The following RARA variants were observed in gnomAD, a reference collection of about 807,000 sequenced individuals.
The protein encoded by RARA is PML-DDX5-RARA fusion.
In RARA, 5 loss-of-function variants were observed where a neutral mutation model predicts 42.8. That is an observed-to-expected ratio of 0.12 (90% CI 0.06 to 0.25). The LOEUF (loss-of-function observed/expected upper bound fraction) is 0.25, where lower values mean the gene tolerates loss of function less well. Ranked by LOEUF, RARA falls within the 10% of genes least tolerant of loss-of-function variation. The pLI is 1.00. For missense variants in RARA, 402 were observed against 628.7 expected (o/e 0.64, Z 3.86); for synonymous variants, 256 against 259.5 (o/e 0.99, Z 0.13).
At chr17:40,325,765 A>G (rs2033528369) in intron 1 of RARA, among the ~76,000 whole-genome samples, 1 of 152,104 alleles carries the variant, frequency 6.6e-6, no homozygotes. Context: ...AAGCTCCCCA[A>G]TACTTTTCCC....
intron 2 of RARA, among the ~76,000 whole-genome samples, chr17:40,343,524 C>A (rs1326325052): frequency 1.3e-5 from 2 of 152,172 alleles, no homozygotes; most frequent in Non-Finnish European, 2.9e-5. Flanking sequence ...ACTTGGCTGT[C>A]ATCTTTGAGG....
At position 40,329,723 on chromosome 17, in the gene RARA, G is replaced by T. The variant is rs372561419; in HGVS notation, c.-362-1134G>T. ...CCTGCCTTAGCCTCCCAAAGTGGTG[G>T]GATTACAGGCGTGAGCCACCGCCCC... is the stretch of plus-strand genomic sequence containing the variant. On this transcript the variant is annotated intron_variant, in intron 1 of 8. Coordinates refer to ENST00000254066, the MANE Select transcript of RARA (RefSeq NM_000964.4). Among the ~76,000 whole-genome samples, 444 of 152,282 alleles carry T rather than the reference G, an allele frequency of 2.9e-3. 3 individuals are homozygous for T. The highest frequency in any genetic ancestry group is 0.011 in the African/African-American group (438 of 41,558).
intron 2 of RARA, among the ~76,000 whole-genome samples, chr17:40,331,635 T>A (rs1347421690): frequency 6.6e-6 from 1 of 152,190 alleles, no homozygotes; most frequent in East Asian, 1.9e-4. Flanking sequence ...GAAACCATGC[T>A]GTTCTGGCCT....
At chr17:40,324,362 C>T (rs2033478619) in intron 1 of RARA, among the ~76,000 whole-genome samples, 2 of 152,100 alleles carry the variant, frequency 1.3e-5, no homozygotes, top group Non-Finnish European at 2.9e-5. Context: ...TGCCCTTTCA[C>T]CTACTCGTTG....
chr17:40,329,202 G>A (rs754668694), intron 1 of RARA, among the ~76,000 whole-genome samples: 2 of 151,344 alleles, frequency 1.3e-5, no homozygotes, highest in South Asian at 2.1e-4. Context: ...ACACAATCTC[G>A]GCTCACTGCC....
At chr17:40,339,953 C>T (rs555224990) in intron 2 of RARA, among the ~76,000 whole-genome samples, 1 of 152,268 alleles carries the variant, frequency 6.6e-6, no homozygotes, top group East Asian at 1.9e-4. Flanking sequence ...GCATACCTGC[C>T]CCCAGACCCC....
At chr17:40,342,769 A>G (rs867133731) in intron 2 of RARA, 1 of 1,612,244 alleles carries the variant, frequency 6.2e-7, no homozygotes, top group African/African-American at 1.3e-5. Context: ...GATTTTTATA[A>G]CCAGAACCGG....
At chr17:40,333,428 G>A (rs780591082) in intron 2 of RARA, among the ~76,000 whole-genome samples, 7 of 151,984 alleles carry the variant, frequency 4.6e-5, no homozygotes, top group Non-Finnish European at 7.4e-5. Context: ...ATGCAGTCTC[G>A]GCCTCCCAGC....
chr17:40,317,826 G>A lies in RARA; in HGVS notation c.-363+8540G>A, dbSNP rs181952719. Among the ~76,000 whole-genome samples, 32 of 152,126 alleles carry A rather than the reference G, an allele frequency of 2.1e-4. No individual in the cohort carries two copies. The East Asian group carries it at 6.0e-3, about 28-fold the overall frequency. ...AGAGGATTATAATTATAGGATTCAG[G>A]GGCTTGACAGCTAGGGCAGGAGTCA... On this transcript the variant is annotated intron_variant, in intron 1 of 8. Coordinates refer to ENST00000254066, the MANE Select transcript of RARA (RefSeq NM_000964.4).
rs1240623634 is a variant in RARA, at chr17:40,320,986, C to G, written c.-362-9871C>G. ...GGGAAAGGAGTATGGCAACTGATAC[C>G]CCGGCTCCCAGGGCTTTGGCTGAAC... On this transcript the variant is annotated intron_variant, in intron 1 of 8. Transcript: ENST00000254066. This position sits in a 1 kb window ranked among gnomAD's most constrained non-coding sequence, Gnocchi z 4.1. Among the ~76,000 whole-genome samples the G allele has an allele frequency of 6.6e-6, 1 of 152,100 alleles. No individual in the cohort carries two copies. The highest frequency in any genetic ancestry group is 2.4e-5 in the African/African-American group (1 of 41,390).
At chr17:40,338,866 A>G (rs1047768541) in intron 2 of RARA, among the ~76,000 whole-genome samples, 1 of 151,118 alleles carries the variant, frequency 6.6e-6, no homozygotes. Flanking sequence ...GAATATACCA[A>G]AATTAGCTGG....
chr17:40,339,203 C>G (rs755102308), intron 2 of RARA, among the ~76,000 whole-genome samples: 1 of 152,130 alleles, frequency 6.6e-6, no homozygotes, highest in Non-Finnish European at 1.5e-5. Context: ...TGGTGCCACT[C>G]TATACTGGGA....
intron 1 of RARA, among the ~76,000 whole-genome samples, chr17:40,316,089 C>A (rs1008705327): frequency 1.2e-4 from 19 of 152,234 alleles, no homozygotes; most frequent in African/African-American, 4.6e-4. Context: ...ACCTCTCCTG[C>A]CTTCTGCAGT....
Position 40,356,826 on chromosome 17 carries a change from TG to T in RARA, c.*606del. 4.2e-6 allele frequency: 1 copy of T among 238,746 alleles called. No individual in the cohort carries two copies. The highest frequency in any genetic ancestry group is 7.8e-6 in the Non-Finnish European group (1 of 127,406). The allele number at this position is 238,746 out of a possible 1,614,324, so 14.8% of individuals were successfully genotyped here. ...TACTGAAGGAATTTGTGCTGTGTAT[TG>T]GGGGGAGCTGGATCCAGAGCTGGAG... is the stretch of plus-strand genomic sequence containing the variant. On this transcript the variant is annotated 3_prime_UTR_variant, in exon 9 of 9. Transcript: ENST00000254066.
rs921895799 is a variant in RARA at position 40,356,738 on chromosome 17, GTTTTTA to G, written c.*517_*522del. 1.9e-6 allele frequency: 1 copy of G among 528,752 alleles called. No homozygotes were observed. The highest frequency in any genetic ancestry group is 1.9e-5 in the African/African-American group (1 of 52,684). The allele number at this position is 528,752 out of a possible 1,614,324, so 32.8% of individuals were successfully genotyped here. A position where few individuals can be genotyped will look rare whatever the true frequency, so the allele number is the denominator to read the frequency against. The stretch of plus-strand genomic sequence containing the variant: ...CCAGGTATTAATTCTCGCTGGTTTT[GTTTTTA>G]TTTTAATTTTTTTGTTTTGATTTTT... On this transcript the variant is annotated 3_prime_UTR_variant, in exon 9 of 9. Transcript: ENST00000254066.
At position 40,356,660 on chromosome 17, in the gene RARA, G is replaced by A. The variant is rs1278365886; in HGVS notation, c.*434G>A. The stretch of plus-strand genomic sequence containing the variant: ...CCCCCTGCCTCGGTTGGTGACAGAG[G>A]GGGTGGGACAGGGGCGGGGGGTTCC... On this transcript the variant is annotated 3_prime_UTR_variant, in exon 9 of 9. Coordinates refer to ENST00000254066, the MANE Select transcript of RARA (RefSeq NM_000964.4). The A allele has an allele frequency of 1.9e-6, 1 of 540,474 alleles. No individual in the cohort carries two copies. The highest frequency in any genetic ancestry group is 1.8e-5 in the African/African-American group (1 of 54,098). 33.5% of individuals were successfully genotyped at this position (540,474 alleles called of 1,614,324 possible). A position where few individuals can be genotyped will look rare whatever the true frequency, so the allele number is the denominator to read the frequency against.
At position 40,356,539 on chromosome 17, in the gene RARA, C is replaced by T; in HGVS notation, c.*313C>T. 1 of 618,276 alleles carries T rather than the reference C, an allele frequency of 1.6e-6. No individual in the cohort carries two copies. Among genetic ancestry groups the T allele is most frequent in the South Asian group, 1.5e-5 (1 of 66,044 alleles). The allele number at this position is 618,276 out of a possible 1,614,324, so 38.3% of individuals were successfully genotyped here. A position where few individuals can be genotyped will look rare whatever the true frequency, so the allele number is the denominator to read the frequency against. On this transcript the variant is annotated 3_prime_UTR_variant, in exon 9 of 9. Transcript: ENST00000254066. The stretch of plus-strand genomic sequence containing the variant: ...TTCATCAAGACACCCCTCTGCCCAG[C>T]TCACCACATCTTCATCACCAGCAAA...
At chr17:40,350,051 G>A in intron 4 of RARA, 126 bp downstream of exon 4, 1 of 1,413,604 alleles carries the variant, frequency 7.1e-7, no homozygotes, top group Non-Finnish European at 9.5e-7. Context: ...GTGGTGTGCG[G>A]GCTCACGGTT....
intron 2 of RARA, among the ~76,000 whole-genome samples, chr17:40,347,627 G>C (rs992284269): frequency 6.6e-6 from 1 of 152,200 alleles, no homozygotes; most frequent in African/African-American, 2.4e-5. Context: ...CTCCCCAGAT[G>C]GGGGGTACCC....
Sources: allele counts gnomAD v4.1 joint callset (sites outside exome capture counted in the v4.1 genomes callset), GRCh38; gene constraint gnomAD v4.1.1; non-coding constraint Gnocchi (gnomAD v3.1); transcripts MANE v1.5; gene names NCBI Gene and HGNC (gene_info 2026-07-23, HGNC 2026-07-21).